Variants in KAZN observed in about 807,000 individuals in gnomAD.
KAZN encodes kazrin, periplakin interacting protein, also known as kazrin.
A neutral mutation model predicts 87.4 loss-of-function variants in KAZN; 40 were observed. The ratio of observed to expected loss-of-function variants is 0.46; its 90% CI spans 0.36 to 0.60. The LOEUF (loss-of-function observed/expected upper bound fraction) is 0.60. Among genes scored for constraint, KAZN ranks in the 20% least tolerant of loss-of-function variants. The pLI is 0.00. For synonymous variants in KAZN, 466 were observed against 458.3 expected, an observed-to-expected ratio of 1.02 and a Z score of -0.22; for missense variants, 898 against 1,073.9, an observed-to-expected ratio of 0.84 and a Z score of 2.29.
chr1:14,971,680 TC>T (rs144429089), intron 2 of KAZN, among the ~76,000 whole-genome samples: 3 of 142,510 alleles, frequency 2.1e-5, no homozygotes, highest in African/African-American at 2.8e-5. Flanking sequence ...TTTTTCTTTT[TC>T]TTTTTTTTTT....
Position 14,368,478 on chromosome 1 carries a change from T to C in KAZN, c.249+187886T>C, listed in dbSNP as rs149310347. On this transcript the variant is annotated intron_variant, in intron 2 of 16. Coordinates refer to the KAZN transcript ENST00000636203. ...AACAAAGCTTCTAGGTCTCTGACCA[T>C]TTTGCCAACCGTACAATCAGCTTTC... 6.2e-3 allele frequency among the ~76,000 whole-genome samples: 945 copies of C among 152,326 alleles called. 9 individuals carry two copies. Among genetic ancestry groups the C allele is most frequent in the Admixed American group, 9.5e-3 (146 of 15,298 alleles).
chr1:14,347,745 T>A (rs946182201), intron 2 of KAZN, among the ~76,000 whole-genome samples: 4 of 152,300 alleles, frequency 2.6e-5, no homozygotes, highest in South Asian at 2.1e-4. Flanking sequence ...GGTGTGTGTG[T>A]GAGTGTATGA....
At chr1:15,108,143 C>T (rs570469492) in intron 13 of KAZN, among the ~76,000 whole-genome samples, 1 of 152,370 alleles carries the variant, frequency 6.6e-6, no homozygotes, top group East Asian at 1.9e-4. Context: ...AATGAGAGAA[C>T]CTTGTCACCT....
intron 1 of KAZN, among the ~76,000 whole-genome samples, chr1:14,022,485 C>CAAAAAAAAAAAAAAAAAAAAAAAAAAAAA (rs58713618): frequency 5.4e-5 from 6 of 110,480 alleles, no homozygotes; most frequent in Admixed American, 2.2e-4. Context: ...GTATTTAAAG[C>CAAAAAAAAAAAAAAAAAAAAAAAAAAAAA]AAAAAAAAAA....
At chr1:14,197,870 T>C (rs1646560897) in intron 2 of KAZN, among the ~76,000 whole-genome samples, 2 of 152,060 alleles carry the variant, frequency 1.3e-5, no homozygotes, top group South Asian at 2.1e-4. Flanking sequence ...TATGTGGAGT[T>C]GAGGAGCCAG....
At chr1:14,339,546 C>T (rs1657526597) in intron 2 of KAZN, among the ~76,000 whole-genome samples, 1 of 152,082 alleles carries the variant, frequency 6.6e-6, no homozygotes, top group South Asian at 2.1e-4. Flanking sequence ...GCAGGAGAGC[C>T]GACGTTTCTG....
chr1:14,416,125 A>AT (rs1002870838), intron 2 of KAZN, among the ~76,000 whole-genome samples: 6 of 152,096 alleles, frequency 3.9e-5, no homozygotes, highest in African/African-American at 9.7e-5. Context: ...GGCAGCTGCA[A>AT]TTTTTTTGGC....
In KAZN at chr1:14,076,104, A is replaced by G. The variant is rs181755566; in HGVS notation, c.92-104331A>G. Among the ~76,000 whole-genome samples, 792 of 152,016 alleles carry G rather than the reference A, an allele frequency of 5.2e-3. 13 individuals carry two copies. Among genetic ancestry groups the G allele is most frequent in the African/African-American group, 0.018 (757 of 41,460 alleles). On this transcript the variant is annotated intron_variant, in intron 1 of 16. Coordinates refer to the KAZN transcript ENST00000636203. ...AGACCATCCTGGCTAACATGGTGAAACCCTGTCTCTACTAAAAATACAAAA... is the reference window on the plus strand; with the variant it reads ...AGACCATCCTGGCTAACATGGTGAAGCCCTGTCTCTACTAAAAATACAAAA...
At chr1:14,895,119 C>A (rs1378465548) in intron 1 of KAZN, among the ~76,000 whole-genome samples, 1 of 152,240 alleles carries the variant, frequency 6.6e-6, no homozygotes, top group African/African-American at 2.4e-5. Context: ...CCTGGCTTTG[C>A]CCTTTGTCCT....
chr1:14,769,802 T>C lies in KAZN; in HGVS notation c.226+170579T>C, dbSNP rs1212046104. Reference sequence around the variant, plus strand: ...TGCCAATGAGATTCCAGTGATAAATTACAGACCTGTTGGTTGCTTACAATA... The same window carrying C: ...TGCCAATGAGATTCCAGTGATAAATCACAGACCTGTTGGTTGCTTACAATA... On this transcript the variant is annotated intron_variant, in intron 1 of 14. Coordinates refer to ENST00000376030, the MANE Select transcript of KAZN (RefSeq NM_201628.3). The surrounding 1 kb of genome is among the most constrained non-coding windows in gnomAD (Gnocchi z 4.1). 1.3e-5 allele frequency among the ~76,000 whole-genome samples: 2 copies of C among 152,240 alleles called. No homozygotes were observed. The highest frequency in any genetic ancestry group is 2.9e-5 in the Non-Finnish European group (2 of 68,048).
rs148486397 is a variant in KAZN, at chr1:14,071,579, A to T, written c.92-108856A>T. ...TCTGCATGGAACTCAGCATCCTGTC[A>T]GCATTGTGAGTGCTGGCAGCTCTGG... On this transcript the variant is annotated intron_variant, in intron 1 of 16. Coordinates refer to the KAZN transcript ENST00000636203. Among the ~76,000 whole-genome samples the T allele has an allele frequency of 5.3e-5, 8 of 152,322 alleles. No homozygotes were observed. The East Asian group carries it at 1.5e-3, about 29-fold the overall frequency.
chr1:14,470,627 C>A (rs192241884), intron 2 of KAZN, among the ~76,000 whole-genome samples: 75 of 152,238 alleles, frequency 4.9e-4, no homozygotes, highest in African/African-American at 1.6e-3. Flanking sequence ...GGAAAGCCTG[C>A]GTAAGTGAGC....
chr1:14,964,238 G>C (rs1408220507), intron 2 of KAZN, among the ~76,000 whole-genome samples: 1 of 152,158 alleles, frequency 6.6e-6, no homozygotes, highest in Admixed American at 6.6e-5. Flanking sequence ...TTTGCTGAGG[G>C]TAATAGTAAC....
chr1:14,368,305 G>A (rs539424426), intron 2 of KAZN, among the ~76,000 whole-genome samples: 2 of 152,254 alleles, frequency 1.3e-5, no homozygotes, highest in South Asian at 2.1e-4. Flanking sequence ...GTTTACAGAC[G>A]GGATGCATCC....
chr1:14,667,384 C>CT (rs1319390290), intron 1 of KAZN, among the ~76,000 whole-genome samples: 13 of 152,156 alleles, frequency 8.5e-5, no homozygotes, highest in African/African-American at 3.1e-4. Context: ...ACTGGGTTCC[C>CT]TTTCAGCCAA....
chr1:13,954,822 TTC>T (rs1160715229), intron 1 of KAZN, among the ~76,000 whole-genome samples: 1 of 152,238 alleles, frequency 6.6e-6, no homozygotes, highest in African/African-American at 2.4e-5. Flanking sequence ...TTGGACTTTT[TTC>T]TTTTTTTACT....
rs112671656 is a variant in KAZN, at chr1:14,844,261, A to G, written c.227-116423A>G. Among the ~76,000 whole-genome samples the G allele has an allele frequency of 1.5e-3, 229 of 152,244 alleles. 1 individual carries two copies. The highest frequency in any genetic ancestry group is 5.3e-3 in the African/African-American group (220 of 41,554). ...CTCTCACTTCTATTTTCCACCTTTT[A>G]AGTAAAATGATTTGCCTCTCTAAGC... On this transcript the variant is annotated intron_variant, in intron 1 of 14. Transcript: ENST00000376030.
chr1:14,519,888 A>G (rs186270104), intron 2 of KAZN, among the ~76,000 whole-genome samples: 225 of 152,216 alleles, frequency 1.5e-3, no homozygotes, highest in Middle Eastern at 3.4e-3. Context: ...TGTGCCAAGC[A>G]TGAAGTCAGA....
At chr1:14,538,573 T>A (rs1170055145) in intron 2 of KAZN, among the ~76,000 whole-genome samples, 2 of 152,064 alleles carry the variant, frequency 1.3e-5, no homozygotes, top group African/African-American at 4.8e-5. Context: ...AAAGCCTTAA[T>A]CCCAACCATA....
Sources: allele counts gnomAD v4.1 joint callset (sites outside exome capture counted in the v4.1 genomes callset), GRCh38; gene constraint gnomAD v4.1.1; non-coding constraint Gnocchi (gnomAD v3.1); transcripts MANE v1.5; gene names NCBI Gene and HGNC (gene_info 2026-07-23, HGNC 2026-07-21).